Variants in ESR1 observed in about 807,000 individuals in gnomAD.
ESR1 encodes the protein estrogen receptor.
ESR1 carries 12 observed loss-of-function variants against 52.7 expected under a neutral mutation model. The ratio of observed to expected loss-of-function variants is 0.23; its 90% CI spans 0.15 to 0.37. The LOEUF is 0.37. ESR1 is among the 10% of genes least tolerant of loss of function. ESR1 has a pLI of 1.00. For missense variants in ESR1, 584 were observed against 779.7 expected (o/e 0.75, Z 2.99); for synonymous variants, 305 against 316.8 (o/e 0.96, Z 0.39).
intron 2 of ESR1, among the ~76,000 whole-genome samples, chr6:151,859,293 A>T (rs1788459017): frequency 6.6e-6 from 1 of 152,336 alleles, no homozygotes; most frequent in Admixed American, 6.5e-5. Context: ...TATAGATCAA[A>T]TTTTTATACA....
At chr6:151,704,929 G>C (rs1426723731) in intron 2 of ESR1, among the ~76,000 whole-genome samples, 1 of 150,802 alleles carries the variant, frequency 6.6e-6, no homozygotes, top group Non-Finnish European at 1.5e-5. Flanking sequence ...TGCAGGCAGA[G>C]GGCTTAGATC....
At chr6:152,096,785 G>A in intron 7 of ESR1, 1 of 415,630 alleles carries the variant, frequency 2.4e-6, no homozygotes, top group South Asian at 1.7e-5. Flanking sequence ...TATAGAGAGG[G>A]AAGCCATGAG....
At chr6:151,773,541 C>T (rs769622334) in intron 2 of ESR1, among the ~76,000 whole-genome samples, 18 of 152,172 alleles carry the variant, frequency 1.2e-4, no homozygotes, top group African/African-American at 2.2e-4. Context: ...CCTTGGCTGA[C>T]GCATATGTTT....
chr6:151,864,572 G>T (rs1398147321), intron 2 of ESR1, among the ~76,000 whole-genome samples: 1 of 152,110 alleles, frequency 6.6e-6, no homozygotes, highest in African/African-American at 2.4e-5. Context: ...ATTTGACCCA[G>T]CCATCCCATT....
downstream of ESR1, among the ~76,000 whole-genome samples, chr6:152,103,980 C>CTT (rs369261779): frequency 0.074 from 6,968 of 93,792 alleles, 631 homozygotes; most frequent in East Asian, 0.25. Context: ...TTCATTCTAC[C>CTT]TTTTTTTTTT....
chr6:151,879,333 G>A (rs1197258659), intron 2 of ESR1, among the ~76,000 whole-genome samples: 1 of 152,086 alleles, frequency 6.6e-6, no homozygotes, highest in South Asian at 2.1e-4. Flanking sequence ...GGTAATCCTA[G>A]GGAAGTTGCT....
At chr6:151,849,161 A>G (rs1301057738) in intron 2 of ESR1, among the ~76,000 whole-genome samples, 1 of 152,044 alleles carries the variant, frequency 6.6e-6, no homozygotes, top group Non-Finnish European at 1.5e-5. Flanking sequence ...ACAGCTCTCA[A>G]ATTCTTATGA....
chr6:151,912,236 A>G (rs1798380018), intron 3 of ESR1, among the ~76,000 whole-genome samples: 2 of 152,246 alleles, frequency 1.3e-5, no homozygotes, highest in Admixed American at 1.3e-4. Context: ...GCTGTATCTT[A>G]CATTATGTTT....
chr6:151,899,152 G>C (rs1288973368), intron 3 of ESR1, among the ~76,000 whole-genome samples: 1 of 141,622 alleles, frequency 7.1e-6, no homozygotes, highest in African/African-American at 2.6e-5. Context: ...CCTCCCGGAC[G>C]GGGCGGCTGG....
downstream of ESR1, among the ~76,000 whole-genome samples, chr6:152,104,552 C>G (rs995003719): frequency 1.2e-4 from 19 of 152,268 alleles, 2 homozygotes; most frequent in South Asian, 4.0e-3. Flanking sequence ...TGCCTCCTGT[C>G]TTTGTTCCTC....
At chr6:151,902,617 A>G (rs1159179190) in intron 3 of ESR1, among the ~76,000 whole-genome samples, 1 of 152,210 alleles carries the variant, frequency 6.6e-6, no homozygotes, top group Non-Finnish European at 1.5e-5. Flanking sequence ...AGCTCTGTTG[A>G]TAGGTGTGTA....
intron 4 of ESR1, among the ~76,000 whole-genome samples, chr6:151,965,204 A>G (rs1386111454): frequency 6.6e-6 from 1 of 152,216 alleles, no homozygotes; most frequent in Non-Finnish European, 1.5e-5. Flanking sequence ...TTCAGTTAAT[A>G]TGCAGTGACT....
chr6:151,868,617 C>T (rs761182718), intron 2 of ESR1, among the ~76,000 whole-genome samples: 14 of 152,134 alleles, frequency 9.2e-5, no homozygotes, highest in Non-Finnish European at 4.4e-5. Context: ...GCTGCATCCA[C>T]GTTGCTGCAA....
At chr6:151,774,997 G>A (rs1456234525) in intron 2 of ESR1, among the ~76,000 whole-genome samples, 1 of 152,180 alleles carries the variant, frequency 6.6e-6, no homozygotes, top group Non-Finnish European at 1.5e-5. Flanking sequence ...AGTTGAGGTG[G>A]ATCTTGAGCC....
chr6:151,854,229 T>C (rs1012459748), intron 2 of ESR1, among the ~76,000 whole-genome samples: 2 of 152,164 alleles, frequency 1.3e-5, no homozygotes, highest in African/African-American at 4.8e-5. Flanking sequence ...GGCTGAAAAA[T>C]AACAACATGT....
At chr6:152,052,951 C>T (rs747550109) in intron 5 of ESR1, among the ~76,000 whole-genome samples, 1 of 152,180 alleles carries the variant, frequency 6.6e-6, no homozygotes, top group Non-Finnish European at 1.5e-5. Context: ...CTTAGCCCAT[C>T]CAGGGCCCTA....
At chr6:151,832,505 A>G (rs936224931) in intron 1 of ESR1, among the ~76,000 whole-genome samples, 1 of 152,218 alleles carries the variant, frequency 6.6e-6, no homozygotes, top group Non-Finnish European at 1.5e-5. Context: ...GTCCATCCAT[A>G]GTGATATTTA....
upstream of ESR1, among the ~76,000 whole-genome samples, chr6:151,801,984 G>T (rs145692405): frequency 6.6e-5 from 10 of 152,324 alleles, no homozygotes; most frequent in Non-Finnish European, 5.9e-5. Context: ...TCAGGACAAT[G>T]GTTGCCTAGA....
In ESR1 at chr6:151,667,827, G is replaced by A. The variant is rs535223558; in HGVS notation, n.73+11064G>A. Reference sequence around the variant, plus strand: ...CATTACAAAGGGATTTCAGATAGAAGCCTCCTCCTTCAGAGTGAGGAGGAA... The same window carrying A: ...CATTACAAAGGGATTTCAGATAGAAACCTCCTCCTTCAGAGTGAGGAGGAA... On this transcript the variant is annotated intron_variant and non_coding_transcript_variant, in intron 1 of 2. Transcript: ENST00000473497. Among the ~76,000 whole-genome samples, 90 of 152,306 alleles carry A rather than the reference G, an allele frequency of 5.9e-4. 2 individuals are homozygous for A. In the South Asian group the frequency reaches 0.018, roughly 30 times the overall value.
Sources: allele counts gnomAD v4.1 joint callset (sites outside exome capture counted in the v4.1 genomes callset), GRCh38; gene constraint gnomAD v4.1.1; transcripts MANE v1.5; gene names NCBI Gene and HGNC (gene_info 2026-07-23, HGNC 2026-07-21).